CATSPERB: variants seen among roughly 807,000 people sequenced by gnomAD.
The protein encoded by CATSPERB is catsper channel auxiliary subunit beta.
CATSPERB carries 93 observed loss-of-function variants against 128.3 expected under a neutral mutation model. The ratio of observed to expected loss-of-function variants is 0.72; its 90% CI spans 0.61 to 0.86. CATSPERB has a LOEUF of 0.86. Among genes scored for constraint, CATSPERB ranks in the 40% least tolerant of loss-of-function variants. The pLI is 0.00. For missense variants in CATSPERB, 1,153 were observed against 1,329.5 expected (o/e 0.87, Z 2.06); for synonymous variants, 381 against 448.8 (o/e 0.85, Z 1.91).
chr14:91,608,251 G>A (rs1463021529), intron 22 of CATSPERB, 43 bp downstream of exon 22: 1 of 1,194,620 alleles, frequency 8.4e-7, no homozygotes, highest in Admixed American at 1.8e-5. Flanking sequence ...ATGATTTCCT[G>A]AATTCAAATA....
At chr14:91,708,459 A>G (rs538243720) in intron 5 of CATSPERB, among the ~76,000 whole-genome samples, 2 of 152,354 alleles carry the variant, frequency 1.3e-5, no homozygotes, top group African/African-American at 4.8e-5. Context: ...CAATGAATCT[A>G]GATACTAATA....
intron 7 of CATSPERB, among the ~76,000 whole-genome samples, chr14:91,703,484 C>T (rs1895684933): frequency 6.6e-6 from 1 of 152,118 alleles, no homozygotes; most frequent in African/African-American, 2.4e-5. Flanking sequence ...GACAGACTCC[C>T]AGATACCTTT....
At chr14:91,672,055 A>AAC (rs1895104315) in intron 13 of CATSPERB, among the ~76,000 whole-genome samples, 4 of 137,070 alleles carry the variant, frequency 2.9e-5, no homozygotes, top group East Asian at 2.2e-4. Context: ...ACAACAACAA[A>AAC]AAGATGGTAC....
In CATSPERB at chr14:91,676,333, T is replaced by C. The variant is rs185776662; in HGVS notation, c.932-2111A>G. Among the ~76,000 whole-genome samples the C allele has an allele frequency of 2.0e-5, 3 of 152,278 alleles. No homozygotes were observed. The East Asian group carries it at 5.8e-4, about 29-fold the overall frequency. Reference sequence around the variant, plus strand: ...CAGAGGCAAAAGCAAGGCATCAATATAGGCTGCTCCTCTGCTCACTAAAGG... The same window carrying C: ...CAGAGGCAAAAGCAAGGCATCAATACAGGCTGCTCCTCTGCTCACTAAAGG... On this transcript the variant is annotated intron_variant, in intron 11 of 26. Coordinates refer to ENST00000256343, the MANE Select transcript of CATSPERB (RefSeq NM_024764.4).
intron 14 of CATSPERB, 69 bp from the exon 15 acceptor site, chr14:91,660,050 C>T: frequency 7.0e-7 from 1 of 1,419,884 alleles, no homozygotes; most frequent in Non-Finnish European, 9.5e-7. Context: ...ACCTATCAGC[C>T]TACATGAGAA....
At chr14:91,660,094 C>T in intron 14 of CATSPERB, 113 bp from the exon 15 acceptor site, 6 of 752,142 alleles carry the variant, frequency 8.0e-6, no homozygotes, top group Non-Finnish European at 1.3e-5. Flanking sequence ...CATATGCCTA[C>T]ATTCATCTCT....
chr14:91,699,575 C>CA (rs1566734960), intron 7 of CATSPERB, among the ~76,000 whole-genome samples: 2 of 140,318 alleles, frequency 1.4e-5, no homozygotes, highest in Non-Finnish European at 3.1e-5. Context: ...GATGAATTAA[C>CA]TTTTTTTTTT....
intron 5 of CATSPERB, chr14:91,709,364 A>C (rs1895791291): frequency 6.6e-6 from 1 of 151,996 alleles, no homozygotes; most frequent in Non-Finnish European, 1.5e-5. Context: ...TGGTATATGC[A>C]GAACTTTCTT....
chr14:91,690,928 G>A (rs1453954866), intron 10 of CATSPERB, among the ~76,000 whole-genome samples: 2 of 152,164 alleles, frequency 1.3e-5, no homozygotes, highest in Admixed American at 6.5e-5. Context: ...TTCATTTGTG[G>A]TTTTCCAACC....
chr14:91,724,763 T>C (rs1220753190), intron 3 of CATSPERB, among the ~76,000 whole-genome samples: 1 of 152,090 alleles, frequency 6.6e-6, no homozygotes, highest in Non-Finnish European at 1.5e-5. Flanking sequence ...GCTTTCCTTC[T>C]CTAATAGGCT....
At chr14:91,636,288 G>T in intron 17 of CATSPERB, 137 bp downstream of exon 17, 1 of 727,020 alleles carries the variant, frequency 1.4e-6, no homozygotes, top group East Asian at 2.5e-5. Context: ...GCTTGAGCCT[G>T]GGAGATTGAG....
At position 91,606,413 on chromosome 14, in the gene CATSPERB, A is replaced by G. The variant is rs375578754; in HGVS notation, c.2709+1881T>C. ...CCCCGTCTCTACTAAAAATGCAAAC[A>G]TTGGCTGTGCGTGGTGGTGCACGCC... is the stretch of plus-strand genomic sequence containing the variant. On this transcript the variant is annotated intron_variant, in intron 22 of 26. Transcript: ENST00000256343. Among the ~76,000 whole-genome samples the G allele has an allele frequency of 8.6e-5, 13 of 151,268 alleles. No individual in the cohort carries two copies. The East Asian group carries it at 1.2e-3, about 14-fold the overall frequency.
chr14:91,586,546 G>GGGGAGAGAGA (rs1566693169), intron 26 of CATSPERB, among the ~76,000 whole-genome samples: 11 of 117,922 alleles, frequency 9.3e-5, no homozygotes, highest in Non-Finnish European at 1.0e-4. Context: ...GGCCGGAACA[G>GGGGAGAGAGA]GAGAGAGAGA....
intron 15 of CATSPERB, among the ~76,000 whole-genome samples, chr14:91,655,616 C>T (rs972716812): frequency 2.0e-5 from 3 of 151,956 alleles, no homozygotes; most frequent in South Asian, 4.2e-4. Flanking sequence ...AGCTTGAAGA[C>T]AACCCACTTA....
At chr14:91,688,339 GCT>G (rs955554602) in intron 10 of CATSPERB, among the ~76,000 whole-genome samples, 78 of 152,188 alleles carry the variant, frequency 5.1e-4, no homozygotes, top group African/African-American at 1.8e-3. Context: ...TTTTGCTTTT[GCT>G]CTTTCTGTTT....
Position 91,610,695 on chromosome 14 carries a change from A to G in CATSPERB, c.2401-18T>C, listed in dbSNP as rs1355398492. 6.2e-7 allele frequency: 1 copy of G among 1,608,628 alleles called. No homozygotes were observed. The highest frequency in any genetic ancestry group is 1.7e-5 in the Admixed American group (1 of 59,940). ...GTTGAACCCTGGAAATAACCAAATAAATGAAGGTTATTTAAAGTAACTGTT... is the reference window on the plus strand; with the variant it reads ...GTTGAACCCTGGAAATAACCAAATAGATGAAGGTTATTTAAAGTAACTGTT... On this transcript the variant is annotated intron_variant, in intron 20 of 26. Transcript: ENST00000256343.
At chr14:91,688,504 T>C (rs1284637978) in intron 10 of CATSPERB, among the ~76,000 whole-genome samples, 3 of 152,202 alleles carry the variant, frequency 2.0e-5, no homozygotes, top group Non-Finnish European at 4.4e-5. Flanking sequence ...TCATTTTTTT[T>C]TATTATTGCC....
At chr14:91,647,805 T>C (rs567007128) in intron 15 of CATSPERB, among the ~76,000 whole-genome samples, 3 of 152,192 alleles carry the variant, frequency 2.0e-5, no homozygotes, top group Non-Finnish European at 2.9e-5. Flanking sequence ...TGAGATTTAG[T>C]TGGGGACACA....
chr14:91,611,745 C>T (rs954137912), intron 20 of CATSPERB, among the ~76,000 whole-genome samples: 5 of 152,166 alleles, frequency 3.3e-5, no homozygotes, highest in Non-Finnish European at 7.4e-5. Context: ...ATTATAGCTG[C>T]TTTTACCACA....
Sources: gnomAD v4.1 joint callset for allele counts (sites outside exome capture counted in the v4.1 genomes callset) on GRCh38, gnomAD v4.1.1 for gene constraint, MANE v1.5 for transcripts, NCBI Gene and HGNC (gene_info 2026-07-23, HGNC 2026-07-21) for gene names.